GGTA1: variants seen among roughly 807,000 people sequenced by gnomAD.
The protein encoded by GGTA1 is glycoprotein alpha-galactosyltransferase 1 (inactive).
A neutral mutation model predicts 2.6 loss-of-function variants in GGTA1; 5 were observed. The observed-to-expected ratio is 1.92, with a 90% CI of 1.00 to 4.04. The LOEUF is 4.04. Among genes scored for constraint, GGTA1 ranks in the 30% most tolerant of loss-of-function variants. The probability of loss-of-function intolerance (pLI) is 0.00; values close to 1 mark genes in which losing one functional copy is unlikely to be tolerated. For synonymous variants in GGTA1, 17 were observed against 5.0 expected (o/e 3.38, Z -3.19); for missense variants, 50 against 16.7 (o/e 2.99, Z -3.47).
downstream of GGTA1, among the ~76,000 whole-genome samples, chr9:121,454,181 C>T (rs757110987): frequency 1.3e-5 from 2 of 152,242 alleles, no homozygotes; most frequent in Non-Finnish European, 2.9e-5. Flanking sequence ...CCAGGTACGC[C>T]TGCTGCATGG....
At chr9:121,466,039 G>A (rs940120040) in intron 2 of GGTA1, among the ~76,000 whole-genome samples, 2 of 151,932 alleles carry the variant, frequency 1.3e-5, no homozygotes, top group African/African-American at 2.4e-5. Context: ...CCTCAGCGTC[G>A]TAAGTAGCTG....
chr9:121,496,195 T>G (rs906306565), intron 1 of GGTA1, among the ~76,000 whole-genome samples: 1 of 152,256 alleles, frequency 6.6e-6, no homozygotes, highest in Non-Finnish European at 1.5e-5. Flanking sequence ...GCAGCCATGC[T>G]GCATAACAAA....
At chr9:121,459,060 C>T (rs2064937976) in intron 5 of GGTA1, among the ~76,000 whole-genome samples, 1 of 152,240 alleles carries the variant, frequency 6.6e-6, no homozygotes, top group Non-Finnish European at 1.5e-5. Context: ...CCAAAATTCC[C>T]ATCCCTTCAC....
intron 5 of GGTA1, among the ~76,000 whole-genome samples, chr9:121,459,657 C>T (rs533206225): frequency 5.3e-5 from 8 of 152,262 alleles, no homozygotes; most frequent in South Asian, 4.1e-4. Flanking sequence ...CTCCTCCAGT[C>T]CCCTTTCTGG....
chr9:121,472,620 C>T (rs996551498), intron 1 of GGTA1, among the ~76,000 whole-genome samples: 8 of 152,208 alleles, frequency 5.3e-5, no homozygotes, highest in African/African-American at 1.9e-4. Context: ...TGTTCTGTGT[C>T]ATAGCCTGAT....
intron 7 of GGTA1, among the ~76,000 whole-genome samples, chr9:121,449,320 C>T (rs754450598): frequency 3.6e-4 from 55 of 152,112 alleles, no homozygotes; most frequent in Non-Finnish European, 6.8e-4. Flanking sequence ...CCAAGGAGTA[C>T]GATTGCTGGA....
intron 1 of GGTA1, among the ~76,000 whole-genome samples, chr9:121,484,567 G>A (rs34885136): frequency 0.013 from 2,000 of 152,220 alleles, 29 homozygotes; most frequent in Non-Finnish European, 0.016. Flanking sequence ...TATAGGTCCC[G>A]CCGCTGTCTA....
At chr9:121,498,276 C>T (rs1829032175) in intron 1 of GGTA1, among the ~76,000 whole-genome samples, 1 of 152,218 alleles carries the variant, frequency 6.6e-6, no homozygotes, top group South Asian at 2.1e-4. Context: ...GGGACTCGTT[C>T]AGCTCTGCCT....
chr9:121,463,724 CT>C (rs1169634285), intron 2 of GGTA1, among the ~76,000 whole-genome samples: 2 of 152,234 alleles, frequency 1.3e-5, no homozygotes, highest in African/African-American at 4.8e-5. Context: ...TTTGTTTGCT[CT>C]TTTAAAAAGA....
At chr9:121,458,731 G>A (rs1438858453) in intron 5 of GGTA1, among the ~76,000 whole-genome samples, 1 of 152,124 alleles carries the variant, frequency 6.6e-6, no homozygotes, top group African/African-American at 2.4e-5. Context: ...AGCCATGCAA[G>A]GGGAAGAGTG....
chr9:121,490,958 C>A (rs2416824), intron 1 of GGTA1, among the ~76,000 whole-genome samples: 1 of 152,134 alleles, frequency 6.6e-6, no homozygotes, highest in Non-Finnish European at 1.5e-5. Context: ...GAATGAATTC[C>A]TAAGCACTTG....
chr9:121,471,894 G>A (rs1828397351), intron 1 of GGTA1, among the ~76,000 whole-genome samples: 2 of 152,140 alleles, frequency 1.3e-5, no homozygotes, highest in Non-Finnish European at 2.9e-5. Flanking sequence ...TCTTAGTTTC[G>A]GGTGCAAAAA....
intron 3 of GGTA1, 115 bp downstream of exon 3, chr9:121,463,178 C>G (rs2064974737): frequency 1.2e-5 from 5 of 427,002 alleles, no homozygotes; most frequent in South Asian, 8.5e-5. Flanking sequence ...ACCCACCCAC[C>G]CCTCCGACTT....
chr9:121,490,258 C>G (rs1198364008), intron 1 of GGTA1, among the ~76,000 whole-genome samples: 1 of 152,168 alleles, frequency 6.6e-6, no homozygotes, highest in African/African-American at 2.4e-5. Context: ...GCTCTAAAAA[C>G]CAACCTATTT....
intron 1 of GGTA1, among the ~76,000 whole-genome samples, chr9:121,478,307 T>C (rs1828558538): frequency 6.6e-6 from 1 of 152,180 alleles, no homozygotes; most frequent in Non-Finnish European, 1.5e-5. Context: ...GTGCGTGTTG[T>C]GGGGTGTCCT....
At chr9:121,475,175 A>G (rs1828481554) in intron 1 of GGTA1, among the ~76,000 whole-genome samples, 1 of 152,144 alleles carries the variant, frequency 6.6e-6, no homozygotes, top group Non-Finnish European at 1.5e-5. Context: ...GCCGGCTGAA[A>G]CCCACCAAAC....
downstream of GGTA1, among the ~76,000 whole-genome samples, chr9:121,453,905 C>A (rs1440704934): frequency 1.3e-5 from 2 of 152,280 alleles, no homozygotes; most frequent in Middle Eastern, 3.4e-3. Context: ...TCTCGGGCCT[C>A]CTGTCCCTTG....
chr9:121,499,028 T>A (rs1274352590), intron 1 of GGTA1, among the ~76,000 whole-genome samples: 1 of 151,976 alleles, frequency 6.6e-6, no homozygotes, highest in Non-Finnish European at 1.5e-5. Flanking sequence ...AACTCCCGCC[T>A]CCCATCGCCC....
intron 1 of GGTA1, among the ~76,000 whole-genome samples, chr9:121,480,377 G>A (rs1213811615): frequency 1.3e-5 from 2 of 151,986 alleles, no homozygotes; most frequent in East Asian, 3.9e-4. Flanking sequence ...TTCCAATGTC[G>A]AAACAGCTAA....
Sources: gnomAD v4.1 joint callset for allele counts (sites outside exome capture counted in the v4.1 genomes callset) on GRCh38, gnomAD v4.1.1 for gene constraint, MANE v1.5 for transcripts, NCBI Gene and HGNC (gene_info 2026-07-23, HGNC 2026-07-21) for gene names.